CNTN4: variants seen among roughly 807,000 people sequenced by gnomAD.
CNTN4 encodes the protein contactin 4.
In CNTN4, 77 loss-of-function variants were observed where a neutral mutation model predicts 122.5. The ratio of observed to expected loss-of-function variants is 0.63; its 90% CI spans 0.52 to 0.76. CNTN4 has a LOEUF of 0.76. Ranked by LOEUF, CNTN4 falls within the 30% of genes least tolerant of loss-of-function variation. CNTN4 has a pLI of 0.00. For missense variants in CNTN4, 1,256 were observed against 1,259.1 expected (o/e 1.00, Z 0.04); for synonymous variants, 512 against 447.0 (o/e 1.15, Z -1.83).
chr3:2,176,565 T>A (rs770175395), intron 2 of CNTN4, among the ~76,000 whole-genome samples: 8 of 152,166 alleles, frequency 5.3e-5, no homozygotes, highest in Non-Finnish European at 1.0e-4. Context: ...TAAACAGTTC[T>A]AGTGGTATGC....
In CNTN4 at chr3:2,166,771, C is replaced by G. The variant is rs114657873; in HGVS notation, c.-145+66132C>G. 3.1e-3 allele frequency among the ~76,000 whole-genome samples: 472 copies of G among 151,992 alleles called. 1 individual carries two copies. Among genetic ancestry groups the G allele is most frequent in the African/African-American group, 0.011 (451 of 41,472 alleles). On this transcript the variant is annotated intron_variant, in intron 2 of 24. Coordinates refer to ENST00000418658, the MANE Select transcript of CNTN4 (RefSeq NM_175607.3). ...TCCTGAAGGGGGAGCTCTTAGAGAC[C>G]GTTTAGTCATTGAGATTGATGGAGA...
At chr3:2,863,125 T>A (rs2093687278) in intron 7 of CNTN4, among the ~76,000 whole-genome samples, 1 of 152,222 alleles carries the variant, frequency 6.6e-6, no homozygotes, top group Admixed American at 6.5e-5. Flanking sequence ...TGCTTTGATG[T>A]CTACATTCTC....
intron 10 of CNTN4, among the ~76,000 whole-genome samples, chr3:2,894,408 T>G (rs758573812): frequency 6.6e-6 from 1 of 152,230 alleles, no homozygotes; most frequent in Non-Finnish European, 1.5e-5. Flanking sequence ...GAATGGATGT[T>G]GGAGCCAAGC....
chr3:2,832,587 T>C (rs552444890), intron 7 of CNTN4, among the ~76,000 whole-genome samples: 1 of 152,236 alleles, frequency 6.6e-6, no homozygotes, highest in African/African-American at 2.4e-5. Context: ...AGAACAGCTG[T>C]ATGTAAGTCT....
intron 4 of CNTN4, among the ~76,000 whole-genome samples, chr3:2,586,570 C>T (rs527983420): frequency 1.2e-4 from 19 of 152,236 alleles, no homozygotes; most frequent in Non-Finnish European, 1.8e-4. Flanking sequence ...GGATTACAGG[C>T]GTGAGCCACC....
At chr3:2,892,258 T>G (rs9859594) in intron 10 of CNTN4, 1 of 152,052 alleles carries the variant, frequency 6.6e-6, no homozygotes, top group South Asian at 2.1e-4. Flanking sequence ...AGGCTTTGAT[T>G]TGGTAAGTCC....
chr3:2,661,327 C>G (rs946248361), intron 4 of CNTN4, among the ~76,000 whole-genome samples: 1 of 152,116 alleles, frequency 6.6e-6, no homozygotes, highest in East Asian at 1.9e-4. Flanking sequence ...CCTCTGAATA[C>G]TTAAGTTGAC....
intron 6 of CNTN4, among the ~76,000 whole-genome samples, chr3:2,787,198 G>A (rs561245188): frequency 3.2e-4 from 48 of 152,190 alleles, no homozygotes; most frequent in African/African-American, 9.2e-4. Context: ...CCAATATGGC[G>A]AAACCCTGTC....
chr3:2,370,974 C>G (rs2045610906), intron 3 of CNTN4, among the ~76,000 whole-genome samples: 1 of 152,140 alleles, frequency 6.6e-6, no homozygotes, highest in African/African-American at 2.4e-5. Flanking sequence ...TAGCAAAGTT[C>G]TTGCATTGCT....
At chr3:2,445,926 T>C (rs188989289) in intron 3 of CNTN4, among the ~76,000 whole-genome samples, 1 of 152,242 alleles carries the variant, frequency 6.6e-6, no homozygotes, top group Non-Finnish European at 1.5e-5. Flanking sequence ...CTTGTCTAGG[T>C]TGTATGATTC....
At chr3:2,778,724 G>A (rs2091447125) in intron 6 of CNTN4, among the ~76,000 whole-genome samples, 1 of 152,086 alleles carries the variant, frequency 6.6e-6, no homozygotes, top group African/African-American at 2.4e-5. Flanking sequence ...AATTCAGTGG[G>A]TTCAGCATAA....
intron 2 of CNTN4, among the ~76,000 whole-genome samples, chr3:2,215,781 A>G (rs1387051002): frequency 6.8e-6 from 1 of 147,294 alleles, no homozygotes; most frequent in Non-Finnish European, 1.5e-5. Context: ...TACTTGGGAG[A>G]TTGAGGCAGG....
At chr3:2,868,596 A>G (rs377300975) in intron 8 of CNTN4, among the ~76,000 whole-genome samples, 2 of 152,114 alleles carry the variant, frequency 1.3e-5, no homozygotes, top group African/African-American at 2.4e-5. Flanking sequence ...TCCTTTCTAC[A>G]TAGACTACAC....
rs2043940986 is a variant in CNTN4 at position 2,336,042 on chromosome 3, G to A, written c.-144-3136G>A. Among the ~76,000 whole-genome samples, 7 of 152,226 alleles carry A rather than the reference G, an allele frequency of 4.6e-5. No homozygotes were observed. In the South Asian group the frequency reaches 1.5e-3, roughly 32 times the overall value. Reference sequence around the variant, plus strand: ...ACAGTAAAAGGTATGTGTGTTTTGGGGTAAGCCGAACAGTGATAAATATTT... The same window carrying A: ...ACAGTAAAAGGTATGTGTGTTTTGGAGTAAGCCGAACAGTGATAAATATTT... On this transcript the variant is annotated intron_variant, in intron 2 of 24. Transcript: ENST00000418658.
rs1012718345 is a variant in CNTN4, at chr3:2,457,075, C to T, written c.-88-114341C>T. 2.0e-5 allele frequency among the ~76,000 whole-genome samples: 3 copies of T among 152,052 alleles called. No individual in the cohort carries two copies. In the East Asian group the frequency reaches 5.8e-4, roughly 29 times the overall value. ...AGATTAAACCCAATGAGCCAGGTTCCTGAGTCTGTACTCTATACTCTTTCT... is the reference window on the plus strand; with the variant it reads ...AGATTAAACCCAATGAGCCAGGTTCTTGAGTCTGTACTCTATACTCTTTCT... On this transcript the variant is annotated intron_variant, in intron 3 of 24. Transcript: ENST00000418658.
At chr3:2,308,257 C>T (rs1400862607) in intron 2 of CNTN4, among the ~76,000 whole-genome samples, 1 of 151,732 alleles carries the variant, frequency 6.6e-6, no homozygotes, top group South Asian at 2.1e-4. Flanking sequence ...TGTTATCCCC[C>T]CTTTTATTCT....
At chr3:2,669,143 T>C (rs2084346902) in intron 4 of CNTN4, among the ~76,000 whole-genome samples, 1 of 152,196 alleles carries the variant, frequency 6.6e-6, no homozygotes, top group African/African-American at 2.4e-5. Context: ...TTTCTATTGA[T>C]TGGAATAGTT....
intron 3 of CNTN4, among the ~76,000 whole-genome samples, chr3:2,425,785 C>T (rs1270726300): frequency 6.6e-6 from 1 of 152,136 alleles, no homozygotes; most frequent in Non-Finnish European, 1.5e-5. Context: ...TCCTTCACAA[C>T]CCTTGTGAGT....
chr3:2,647,674 T>C (rs572403258), intron 4 of CNTN4, among the ~76,000 whole-genome samples: 2 of 152,280 alleles, frequency 1.3e-5, no homozygotes, highest in Admixed American at 1.3e-4. Context: ...TTTACCTCCA[T>C]GAGACCTCCT....
Sources: gnomAD v4.1 joint callset for allele counts (sites outside exome capture counted in the v4.1 genomes callset) on GRCh38, gnomAD v4.1.1 for gene constraint, MANE v1.5 for transcripts, NCBI Gene and HGNC (gene_info 2026-07-23, HGNC 2026-07-21) for gene names.